The following PCDHGA4 variants were observed in gnomAD, a reference collection of about 807,000 sequenced individuals.
PCDHGA4 encodes protocadherin gamma subfamily A, 4, also known as protocadherin gamma-A4.
A neutral mutation model predicts 54.6 loss-of-function variants in PCDHGA4; 38 were observed. The observed-to-expected ratio is 0.70, with a 90% CI of 0.54 to 0.91. The LOEUF is 0.91. Ranked by LOEUF, PCDHGA4 falls within the 40% of genes least tolerant of loss-of-function variation. PCDHGA4 has a pLI of 0.00. For synonymous variants in PCDHGA4, 511 were observed against 512.9 expected (o/e 1.00, Z 0.05); for missense variants, 1,298 against 1,220.9 (o/e 1.06, Z -0.94).
chr5:141,362,452 G>T (rs751763325), intron 1 of PCDHGA4: 1 of 1,614,012 alleles, frequency 6.2e-7, no homozygotes, highest in Non-Finnish European at 8.5e-7. Flanking sequence ...CATAACCCCG[G>T]AATTGGTTCC....
At chr5:141,381,403 A>G (rs1036443196) in intron 1 of PCDHGA4, among the ~76,000 whole-genome samples, 2 of 152,244 alleles carry the variant, frequency 1.3e-5, no homozygotes, top group East Asian at 1.9e-4. Context: ...CTCTATCAAC[A>G]TCAGTGGAGA....
chr5:141,373,098 C>T (rs1402463048), intron 1 of PCDHGA4, among the ~76,000 whole-genome samples: 2 of 152,208 alleles, frequency 1.3e-5, no homozygotes, highest in Non-Finnish European at 2.9e-5. Flanking sequence ...CTGTCATTTT[C>T]AGACATATCT....
chr5:141,419,069 C>G, intron 1 of PCDHGA4: 1 of 1,613,912 alleles, frequency 6.2e-7, no homozygotes, highest in Admixed American at 1.7e-5. Context: ...TTACTACAAG[C>G]TAGTAACAGA....
Position 141,491,013 on chromosome 5 carries a change from G to C in PCDHGA4, c.2515-3794G>C. ...CTCCTCCTGGCTCCTTGGTCACCAA[G>C]GTGACAGCCGTGGATGCTGATGCAG... On this transcript the variant is annotated intron_variant, in intron 1 of 3. Transcript: ENST00000571252. The surrounding 1 kb of genome is among the most constrained non-coding windows in gnomAD (Gnocchi z 6.9). 6.2e-7 allele frequency: 1 copy of C among 1,614,144 alleles called. No homozygotes were observed. Among genetic ancestry groups the C allele is most frequent in the Non-Finnish European group, 8.5e-7 (1 of 1,180,040 alleles).
chr5:141,364,166 C>A, intron 1 of PCDHGA4: 2 of 715,060 alleles, frequency 2.8e-6, no homozygotes, highest in Non-Finnish European at 4.1e-6. Context: ...AGAGGCGACC[C>A]GACTCTGCTC....
intron 1 of PCDHGA4, chr5:141,375,955 C>T: frequency 6.2e-7 from 1 of 1,613,498 alleles, no homozygotes; most frequent in Non-Finnish European, 8.5e-7. Context: ...TGCACACGGG[C>T]GAGGTGCGCA....
rs2099746867 is a variant in PCDHGA4, at chr5:141,493,199, C to T, written c.2515-1608C>T. Among the ~76,000 whole-genome samples the T allele has an allele frequency of 6.6e-6, 1 of 152,168 alleles. No individual in the cohort carries two copies. Among genetic ancestry groups the T allele is most frequent in the Non-Finnish European group, 1.5e-5 (1 of 68,020 alleles). ...CTTACTATATAACTCCTTTGAGAAC[C>T]TCATCTCATTTGCTCTTCCCACCAT... On this transcript the variant is annotated intron_variant, in intron 1 of 3. Coordinates refer to ENST00000571252, the MANE Select transcript of PCDHGA4 (RefSeq NM_018917.4). This position sits in a 1 kb window ranked among gnomAD's most constrained non-coding sequence, Gnocchi z 4.3.
intron 1 of PCDHGA4, chr5:141,415,772 T>TTA: frequency 7.5e-7 from 1 of 1,332,978 alleles, no homozygotes; most frequent in Non-Finnish European, 9.6e-7. Flanking sequence ...TTTTTTTTTT[T>TTA]ACTTTCTGGT....
chr5:141,362,373 T>C (rs1281253972), intron 1 of PCDHGA4: 1 of 1,614,038 alleles, frequency 6.2e-7, no homozygotes, highest in East Asian at 2.2e-5. Flanking sequence ...ACAGTGAGGG[T>C]ACATTGCCCT....
At chr5:141,370,380 G>A in intron 1 of PCDHGA4, 5 of 1,532,358 alleles carry the variant, frequency 3.3e-6, no homozygotes, top group Non-Finnish European at 4.4e-6. Flanking sequence ...GAAAGGCAAA[G>A]GCGCAGAGAG....
At chr5:141,507,852 T>C (rs556569001) in intron 3 of PCDHGA4, among the ~76,000 whole-genome samples, 25 of 152,118 alleles carry the variant, frequency 1.6e-4, no homozygotes, top group Non-Finnish European at 2.6e-4. Context: ...CTGCTCTCAC[T>C]TTCACACCCG....
intron 1 of PCDHGA4, chr5:141,366,857 T>C: frequency 6.9e-6 from 10 of 1,438,966 alleles, no homozygotes; most frequent in Non-Finnish European, 9.4e-6. Flanking sequence ...AGTGGAACAT[T>C]ATTTGCTGTA....
rs780007896 is a variant in PCDHGA4 at position 141,399,692 on chromosome 5, G to T, written c.2514+42071G>T. 1.2e-5 allele frequency: 19 copies of T among 1,613,318 alleles called. No individual in the cohort carries two copies. The South Asian group carries it at 2.1e-4, about 18-fold the overall frequency. ...CGCGCCTTTGACTACGAGCAGCTGC[G>T]CACCTTCGAACTCACACTACAGGCC... On this transcript the variant is annotated intron_variant, in intron 1 of 3. Coordinates refer to ENST00000571252, the MANE Select transcript of PCDHGA4 (RefSeq NM_018917.4).
At chr5:141,375,275 G>A in intron 1 of PCDHGA4, 1 of 1,613,902 alleles carries the variant, frequency 6.2e-7, no homozygotes. Context: ...GGAAAAATCA[G>A]TTGGCAATTA....
intron 1 of PCDHGA4, chr5:141,441,037 A>G (rs1318122240): frequency 6.6e-6 from 1 of 152,194 alleles, no homozygotes; most frequent in Admixed American, 6.5e-5. Context: ...GAAAACTTTA[A>G]GTACATTGGA....
At chr5:141,423,980 G>A (rs2154550577) in intron 1 of PCDHGA4, 1 of 1,110,878 alleles carries the variant, frequency 9.0e-7, no homozygotes, top group South Asian at 4.5e-5. Flanking sequence ...AGTGTATGAG[G>A]CTCTCAATTT....
rs971610218 is a variant in PCDHGA4, at chr5:141,400,979, C to T, written c.2514+43358C>T. Among the ~76,000 whole-genome samples, 10 of 152,258 alleles carry T rather than the reference C, an allele frequency of 6.6e-5. No individual in the cohort carries two copies. The East Asian group carries it at 9.6e-4, about 15-fold the overall frequency. ...GTAGTTTTCATCTCTTTCTTATGTT[C>T]CTCATATATGCTTTCTTATTCCTAC... On this transcript the variant is annotated intron_variant, in intron 1 of 3. Transcript: ENST00000571252.
intron 2 of PCDHGA4, among the ~76,000 whole-genome samples, chr5:141,498,112 AG>A (rs947089103): frequency 2.0e-5 from 3 of 152,232 alleles, no homozygotes; most frequent in African/African-American, 7.2e-5. Flanking sequence ...GGCGTATAAT[AG>A]GGATTTGATT....
At chr5:141,393,158 ACT>A (rs768666493) in intron 1 of PCDHGA4, 1 of 1,613,126 alleles carries the variant, frequency 6.2e-7, no homozygotes, top group East Asian at 2.2e-5. Context: ...ATAAAGGAAA[ACT>A]CTTTGGGGTA....
Sources: gnomAD v4.1 joint callset for allele counts (sites outside exome capture counted in the v4.1 genomes callset) on GRCh38, gnomAD v4.1.1 for gene constraint, Gnocchi (gnomAD v3.1) non-coding constraint, MANE v1.5 for transcripts, NCBI Gene and HGNC (gene_info 2026-07-23, HGNC 2026-07-21) for gene names.